The following WRN variants were observed in gnomAD, a reference collection of about 807,000 sequenced individuals.
The protein encoded by WRN is bifunctional 3'-5' exonuclease/ATP-dependent helicase WRN.
Under a neutral mutation model 180.7 loss-of-function variants are expected in WRN, and 149 were observed. The ratio of observed to expected loss-of-function variants is 0.82; its 90% CI spans 0.72 to 0.94. The LOEUF is 0.94. Among genes scored for constraint, WRN ranks in the 40% least tolerant of loss-of-function variants. The pLI is 0.00. For synonymous variants in WRN, 548 were observed against 568.9 expected, an observed-to-expected ratio of 0.96 and a Z score of 0.52; for missense variants, 1,661 against 1,700.1, an observed-to-expected ratio of 0.98 and a Z score of 0.40.
At position 31,077,534 on chromosome 8, in the gene WRN, G is replaced by A. The variant is rs182930232; in HGVS notation, c.839+1247G>A. ...TGGGATTACAGGCGTTAGCCACCGC[G>A]CCCAGCCTGAAAGATGAACTTTAAA... On this transcript the variant is annotated intron_variant, in intron 8 of 34. Transcript: ENST00000298139. 3.8e-3 allele frequency among the ~76,000 whole-genome samples: 580 copies of A among 152,252 alleles called. 5 individuals are homozygous for A. The highest frequency in any genetic ancestry group is 0.013 in the African/African-American group (528 of 41,542).
At chr8:31,045,791 C>T (rs1410118902) in intron 1 of WRN, among the ~76,000 whole-genome samples, 1 of 152,126 alleles carries the variant, frequency 6.6e-6, no homozygotes, top group African/African-American at 2.4e-5. Flanking sequence ...AAAAAATTTG[C>T]TGCTCTTGAG....
intron 28 of WRN, among the ~76,000 whole-genome samples, chr8:31,146,819 A>G (rs776275824): frequency 6.6e-6 from 1 of 152,188 alleles, no homozygotes; most frequent in Non-Finnish European, 1.5e-5. Flanking sequence ...TAAAACACCA[A>G]TTTTGTGATG....
chr8:31,089,363 CT>C (rs1013890987), intron 13 of WRN, among the ~76,000 whole-genome samples: 9 of 151,926 alleles, frequency 5.9e-5, no homozygotes, highest in African/African-American at 1.7e-4. Flanking sequence ...TAGTGATAAT[CT>C]TATCTATTTT....
chr8:31,075,291 A>T (rs533136863), intron 7 of WRN, among the ~76,000 whole-genome samples: 1 of 152,314 alleles, frequency 6.6e-6, no homozygotes, highest in African/African-American at 2.4e-5. Flanking sequence ...AGAAATGATG[A>T]TGAATAAATT....
At chr8:31,096,649 C>A in intron 16 of WRN, 119 bp from the exon 17 acceptor site, 2 of 811,976 alleles carry the variant, frequency 2.5e-6, no homozygotes, top group Non-Finnish European at 3.9e-6. Context: ...ATTATTTAAA[C>A]TTTCATAAGG....
At position 31,067,109 on chromosome 8, in the gene WRN, C is replaced by T. The variant is rs776831463; in HGVS notation, c.581C>T (p.Ser194Phe). ...LLGKQLLKDK[S>F]IRCSNWSKFP... is the part of the protein sequence containing the mutation. ...GGTAAACAGCTCCTGAAAGACAAGT[C>T]TATCCGCTGTAGCAATTGGAGTAAA... Residue 194 changes from serine (S) to phenylalanine (F), a missense_variant, in exon 6 of 35, where the codon TCT becomes TTT. Transcript: ENST00000298139. 1.2e-6 allele frequency: 2 copies of T among 1,613,956 alleles called. No homozygotes were observed. The highest frequency in any genetic ancestry group is 1.7e-6 in the Non-Finnish European group (2 of 1,179,968).
At chr8:31,062,826 G>T (rs777103903) in intron 3 of WRN, among the ~76,000 whole-genome samples, 14 of 151,926 alleles carry the variant, frequency 9.2e-5, no homozygotes, top group Admixed American at 6.6e-5. Flanking sequence ...TATGAGTTTT[G>T]TGCATTTTTT....
intron 33 of WRN, among the ~76,000 whole-genome samples, chr8:31,161,024 C>A (rs75944980): frequency 6.6e-6 from 1 of 151,266 alleles, no homozygotes; most frequent in Admixed American, 6.6e-5. Flanking sequence ...GTTCCCCCCA[C>A]CCCCTTTTTT....
At chr8:31,066,887 G>A in intron 5 of WRN, 146 bp from the exon 6 acceptor site, 1 of 903,624 alleles carries the variant, frequency 1.1e-6, no homozygotes. Context: ...GGCTTTTAGT[G>A]ACAGGGAATT....
chr8:31,142,692 A>T lies in WRN; in HGVS notation c.3300A>T (p.Thr1100=). 6.2e-7 allele frequency: 1 copy of T among 1,603,458 alleles called. No homozygotes were observed. Among genetic ancestry groups the T allele is most frequent in the South Asian group, 1.1e-5 (1 of 87,812 alleles). Reference sequence around the variant, plus strand: ...ATCAAGTACCAGTTGAATTAAGTACAGAGAAGAAGGTTTGTTTTAAAGAAA... The same window carrying T: ...ATCAAGTACCAGTTGAATTAAGTACTGAGAAGAAGGTTTGTTTTAAAGAAA... The part of the protein sequence containing the change: ...CYNQVPVELS[T]EKKSNLEKLY... The change falls in exon 27 of 35, where the codon ACA becomes ACT. Residue 1100 remains threonine, a synonymous_variant. Coordinates refer to ENST00000298139, the MANE Select transcript of WRN (RefSeq NM_000553.6).
intron 18 of WRN, among the ~76,000 whole-genome samples, chr8:31,106,089 C>CA (rs1304437971): frequency 2.0e-5 from 3 of 152,262 alleles, no homozygotes; most frequent in African/African-American, 7.2e-5. Context: ...ACAGCAGCTC[C>CA]ATTGGCCAAA....
rs4733221 is a variant in WRN at position 31,076,343 on chromosome 8, C to T, written c.839+56C>T. ...AAATCAATTCTGTTTATTTTTTTATCACATTTTCCTATATGTGAAGAATAC... is the reference window on the plus strand; with the variant it reads ...AAATCAATTCTGTTTATTTTTTTATTACATTTTCCTATATGTGAAGAATAC... On this transcript the variant is annotated intron_variant, in intron 8 of 34. Coordinates refer to ENST00000298139, the MANE Select transcript of WRN (RefSeq NM_000553.6). The T allele has an allele frequency of 0.6, 853,042 of 1,433,534 alleles. 259,357 individuals carry two copies. Among genetic ancestry groups the T allele is most frequent in the Non-Finnish European group, 0.62 (642,388 of 1,031,488 alleles). The allele number at this position is 1,433,534 out of a possible 1,614,324, so 88.8% of individuals were successfully genotyped here.
At chr8:31,061,316 G>C (rs1812476564) in intron 3 of WRN, among the ~76,000 whole-genome samples, 1 of 151,772 alleles carries the variant, frequency 6.6e-6, no homozygotes, top group Non-Finnish European at 1.5e-5. Context: ...TTTATCTCTA[G>C]AAGTCCCATT....
intron 1 of WRN, among the ~76,000 whole-genome samples, chr8:31,054,109 A>G (rs764297640): frequency 1.3e-5 from 2 of 152,170 alleles, no homozygotes; most frequent in African/African-American, 4.8e-5. Context: ...AGTGGTTGCT[A>G]TGTAGAATTC....
chr8:31,086,894 A>G (rs16877710), intron 11 of WRN, among the ~76,000 whole-genome samples: 2,932 of 152,284 alleles, frequency 0.019, 77 homozygotes, highest in African/African-American at 0.065. Flanking sequence ...GTGGACGTCT[A>G]CAAACGTATA....
intron 23 of WRN, among the ~76,000 whole-genome samples, chr8:31,131,169 T>TTTTTTTTTTTTTTA (rs1802153775): frequency 4.7e-5 from 7 of 148,668 alleles, no homozygotes; most frequent in South Asian, 2.1e-4. Flanking sequence ...TCTTTTTTTT[T>TTTTTTTTTTTTTTA]GAGACAGAGT....
chr8:31,164,025 A>G (rs894425261), intron 33 of WRN, among the ~76,000 whole-genome samples: 2 of 152,018 alleles, frequency 1.3e-5, no homozygotes, highest in Non-Finnish European at 2.9e-5. Context: ...TTTTGTAGAG[A>G]TGAGTTCTCA....
chr8:31,124,427 A>G (rs1164993470), intron 21 of WRN, 95 bp from the exon 22 acceptor site: 2 of 950,838 alleles, frequency 2.1e-6, no homozygotes, highest in South Asian at 1.5e-5. Flanking sequence ...GGTTTTGTAG[A>G]TAATGAAAAA....
At chr8:31,142,486 GA>G (rs1012425532) in intron 26 of WRN, 139 bp from the exon 27 acceptor site, 34 of 584,318 alleles carry the variant, frequency 5.8e-5, no homozygotes, top group African/African-American at 1.9e-4. Flanking sequence ...GCTTTTTCTA[GA>G]AAAAAAAATC....
Sources: gnomAD v4.1 joint callset for allele counts (sites outside exome capture counted in the v4.1 genomes callset) on GRCh38, gnomAD v4.1.1 for gene constraint, MANE v1.5 for transcripts, NCBI Gene and HGNC (gene_info 2026-07-23, HGNC 2026-07-21) for gene names.